POLA1: variants seen among roughly 807,000 people sequenced by gnomAD.
The protein encoded by POLA1 is DNA polymerase alpha catalytic subunit.
A neutral mutation model predicts 124.0 loss-of-function variants in POLA1; 15 were observed. The observed-to-expected ratio is 0.12, with a 90% CI of 0.08 to 0.19. POLA1 has a LOEUF of 0.19. Among genes scored for constraint, POLA1 ranks in the 10% least tolerant of loss-of-function variants. The pLI, the probability that POLA1 is intolerant of heterozygous loss-of-function variation, is 1.00. For synonymous variants in POLA1, 408 were observed against 389.4 expected (o/e 1.05, Z -0.56); for missense variants, 886 against 1,103.4 (o/e 0.80, Z 2.79).
intron 32 of POLA1, among the ~76,000 whole-genome samples, chrX:24,827,202 CTA>C (rs1323693868): frequency 8.9e-6 from 1 of 112,016 alleles, no homozygotes; most frequent in Non-Finnish European, 1.9e-5. Flanking sequence ...TGGCTTTTTG[CTA>C]TGTCACCAGA....
chrX:24,721,956 A>G (rs935077228), intron 10 of POLA1, among the ~76,000 whole-genome samples: 1 of 110,183 alleles, frequency 9.1e-6, no homozygotes, highest in African/African-American at 3.3e-5. Flanking sequence ...TAATCTTCCC[A>G]TAGTCCTTCC....
At chrX:24,702,032 G>A (rs1471589640) in intron 2 of POLA1, among the ~76,000 whole-genome samples, 8 of 108,679 alleles carry the variant, frequency 7.4e-5, no homozygotes, top group Non-Finnish European at 1.3e-4. Flanking sequence ...GGGATTACAG[G>A]CGTGAGCCAC....
At chrX:24,917,915 T>G (rs886605314) in intron 35 of POLA1, among the ~76,000 whole-genome samples, 1 of 111,792 alleles carries the variant, frequency 8.9e-6, no homozygotes, top group Non-Finnish European at 1.9e-5. Flanking sequence ...TTATATGCAT[T>G]GTCTTATTTA....
intron 32 of POLA1, among the ~76,000 whole-genome samples, chrX:24,839,523 A>G (rs771678286): frequency 1.8e-5 from 2 of 112,137 alleles, no homozygotes; most frequent in South Asian, 7.5e-4. Flanking sequence ...CTTACTCTGC[A>G]GGCAGGCTGT....
intron 34 of POLA1, among the ~76,000 whole-genome samples, chrX:24,848,583 G>A (rs943725116): frequency 1.2e-4 from 14 of 112,196 alleles, no homozygotes; most frequent in African/African-American, 4.5e-4. Flanking sequence ...GCATAATGTT[G>A]TTAAGCCAGG....
Position 24,739,476 on chromosome X carries a change from G to T in POLA1, c.2142G>T (p.Leu714=), listed in dbSNP as rs141500749. The change falls in exon 20 of 37, where the codon CTG becomes CTT. Residue 714 remains leucine (L), a synonymous_variant. Coordinates refer to ENST00000379068, the MANE Select transcript of POLA1 (RefSeq NM_001330360.2). ...TGATTCGTTGTAAAAGCTACCATCTGTCTGAACTTGTTCAGCAGATTCTAA... is the reference window on the plus strand; with the variant it reads ...TGATTCGTTGTAAAAGCTACCATCTTTCTGAACTTGTTCAGCAGATTCTAA... The part of the protein sequence containing the change: ...KELIRCKSYH[L]SELVQQILKT... The T allele has an allele frequency of 1.3e-5, 15 of 1,191,160 alleles. No homozygotes were observed. In the African/African-American group the frequency reaches 1.9e-4, roughly 15 times the overall value.
intron 36 of POLA1, among the ~76,000 whole-genome samples, chrX:24,938,182 T>C (rs2047874686): frequency 8.9e-6 from 1 of 112,340 alleles, no homozygotes; most frequent in Non-Finnish European, 1.9e-5. Context: ...GGGAGCACTT[T>C]GGCAGGTGGA....
At chrX:24,960,690 T>C (rs111698555) in intron 36 of POLA1, among the ~76,000 whole-genome samples, 49 of 111,738 alleles carry the variant, frequency 4.4e-4, no homozygotes, top group African/African-American at 1.5e-3. Flanking sequence ...TAAATAAACT[T>C]AAAACAGCTG....
At chrX:24,735,299 T>C in intron 17 of POLA1, 100 bp from the exon 18 acceptor site, 1 of 509,005 alleles carries the variant, frequency 2.0e-6, no homozygotes, top group African/African-American at 2.3e-5. Flanking sequence ...ATGGTTTCTT[T>C]TAACCCTAAG....
At chrX:24,735,246 C>T (rs1931199881) in intron 17 of POLA1, among the ~76,000 whole-genome samples, 153 bp from the exon 18 acceptor site, 1 of 112,095 alleles carries the variant, frequency 8.9e-6, no homozygotes, top group South Asian at 3.7e-4. Flanking sequence ...TACTATGAAA[C>T]CTACAATCAG....
chrX:24,768,616 C>G (rs2044960959), intron 26 of POLA1, among the ~76,000 whole-genome samples: 1 of 111,951 alleles, frequency 8.9e-6, no homozygotes, highest in Non-Finnish European at 1.9e-5. Context: ...TAAAAACTCC[C>G]CTAACTTTTA....
intron 26 of POLA1, among the ~76,000 whole-genome samples, chrX:24,785,497 G>A (rs2045345454): frequency 9.0e-6 from 1 of 111,602 alleles, no homozygotes; most frequent in Non-Finnish European, 1.9e-5. Context: ...TGTGAATTTC[G>A]AAAAAGTGAT....
intron 35 of POLA1, among the ~76,000 whole-genome samples, chrX:24,914,983 A>G (rs1044821265): frequency 8.9e-6 from 1 of 112,311 alleles, no homozygotes; most frequent in Non-Finnish European, 1.9e-5. Flanking sequence ...ATTAGTTTCA[A>G]TCAAGTTCCT....
intron 26 of POLA1, among the ~76,000 whole-genome samples, chrX:24,809,086 G>A (rs1040248705): frequency 4.5e-5 from 5 of 110,560 alleles, no homozygotes; most frequent in Non-Finnish European, 7.6e-5. Flanking sequence ...CTACCCCTTG[G>A]AGATCTAGGG....
chrX:24,879,800 T>C (rs772309416), intron 34 of POLA1, among the ~76,000 whole-genome samples: 1 of 111,993 alleles, frequency 8.9e-6, no homozygotes, highest in African/African-American at 3.2e-5. Context: ...TTCCCCAAAA[T>C]GTAATTTTCC....
chrX:24,806,750 G>A (rs1177826507), intron 26 of POLA1, among the ~76,000 whole-genome samples: 1 of 112,004 alleles, frequency 8.9e-6, no homozygotes, highest in Non-Finnish European at 1.9e-5. Flanking sequence ...CTTGTTACTG[G>A]CAGATTTGTA....
chrX:24,777,728 G>T (rs746162214), intron 26 of POLA1, among the ~76,000 whole-genome samples: 2 of 112,091 alleles, frequency 1.8e-5, no homozygotes, highest in African/African-American at 6.5e-5. Flanking sequence ...AAGGGCTAAG[G>T]TGAGGGGGGA....
chrX:24,977,340 A>G, intron 36 of POLA1, among the ~76,000 whole-genome samples: 1 of 112,710 alleles, frequency 8.9e-6, no homozygotes, highest in Non-Finnish European at 1.9e-5. Context: ...AGTGTTCCTC[A>G]TAATTTTGAA....
Position 24,810,797 on chromosome X carries a change from C to T in POLA1, c.3087C>T (p.Asn1029=), listed in dbSNP as rs143911626. The T allele has an allele frequency of 3.5e-4, 347 of 980,626 alleles. No homozygotes were observed. In the Middle Eastern group the frequency reaches 4.9e-3, roughly 14 times the overall value. 80.8% of individuals were successfully genotyped at this position (980,626 alleles called of 1,213,427 possible). ...TNLEEVFKLG[N]KVKSEVNKLY... Reference sequence around the variant, plus strand: ...TGGAAGAAGTATTTAAGTTGGGAAACAAGGTGAGATAATTTTATGAAATTA... The same window carrying T: ...TGGAAGAAGTATTTAAGTTGGGAAATAAGGTGAGATAATTTTATGAAATTA... Residue 1029 remains asparagine, a synonymous_variant, in exon 28 of 37, where the codon AAC becomes AAT. Coordinates refer to ENST00000379068, the MANE Select transcript of POLA1 (RefSeq NM_001330360.2).
Sources: allele counts gnomAD v4.1 joint callset (sites outside exome capture counted in the v4.1 genomes callset), GRCh38; gene constraint gnomAD v4.1.1; transcripts MANE v1.5; gene names NCBI Gene and HGNC (gene_info 2026-07-23, HGNC 2026-07-21).